Variants in PATL2 observed in about 807,000 individuals in gnomAD.
PATL2 encodes protein PAT1 homolog 2.
Under a neutral mutation model 77.0 loss-of-function variants are expected in PATL2, and 73 were observed. The observed-to-expected ratio is 0.95, with a 90% CI of 0.78 to 1.15. The LOEUF is 1.15. PATL2 is among the 50% of genes most tolerant of loss of function. PATL2 has a pLI of 0.00. For synonymous variants in PATL2, 265 were observed against 257.1 expected, an observed-to-expected ratio of 1.03 and a Z score of -0.29; for missense variants, 618 against 655.4, an observed-to-expected ratio of 0.94 and a Z score of 0.62.
At chr15:44,697,709 T>C (rs1260918277) in intron 3 of PATL2, among the ~76,000 whole-genome samples, 2 of 152,066 alleles carry the variant, frequency 1.3e-5, no homozygotes, top group East Asian at 3.9e-4. Flanking sequence ...TCTCGGAAAG[T>C]GCCAAGAGTT....
chr15:44,678,400 C>T (rs2141220697), intron 3 of PATL2, among the ~76,000 whole-genome samples: 1 of 152,258 alleles, frequency 6.6e-6, no homozygotes, highest in East Asian at 1.9e-4. Context: ...AGATCACAGC[C>T]CTGCCCTGGC....
chr15:44,674,761 T>C (rs2085869483), intron 5 of PATL2: 2 of 152,084 alleles, frequency 1.3e-5, no homozygotes, highest in African/African-American at 2.4e-5. Context: ...TTCTTTTTTT[T>C]TGTAGCGACA....
chr15:44,665,968 A>G lies in PATL2; in HGVS notation c.1617T>C (p.Phe539=), dbSNP rs2085347428. 6.5e-7 allele frequency: 1 copy of G among 1,542,712 alleles called. No individual in the cohort carries two copies. The part of the protein sequence containing the change: ...LVQQLEARME[F]AWIY ...AACAAACAGATCAGTAAATCCAGGC[A>G]AACCTATAAAGAGAACAGATATTAA... The change falls in exon 18 of 18, where the codon TTT becomes TTC. Residue 539 remains phenylalanine (F), a synonymous_variant. Transcript: ENST00000682850.
At chr15:44,685,659 G>A (rs2086236152) in intron 3 of PATL2, among the ~76,000 whole-genome samples, 2 of 151,544 alleles carry the variant, frequency 1.3e-5, no homozygotes, top group South Asian at 4.2e-4. Context: ...GTATTCAGGA[G>A]ACCCATCTCA....
chr15:44,683,585 C>T (rs1021633683), intron 3 of PATL2, among the ~76,000 whole-genome samples: 2 of 152,184 alleles, frequency 1.3e-5, no homozygotes, highest in Non-Finnish European at 2.9e-5. Context: ...AGGCAGTAGC[C>T]CCAGTCAGGG....
intron 3 of PATL2, among the ~76,000 whole-genome samples, chr15:44,698,455 T>C (rs1176363328): frequency 1.3e-5 from 2 of 152,142 alleles, no homozygotes; most frequent in African/African-American, 2.4e-5. Flanking sequence ...ATTCAGTTGC[T>C]GTAATTTTTA....
chr15:44,674,466 T>G, intron 5 of PATL2: 1 of 462,402 alleles, frequency 2.2e-6, no homozygotes, highest in Non-Finnish European at 3.9e-6. Flanking sequence ...GACATATATG[T>G]TCCGAGACCC....
At chr15:44,680,594 T>G (rs990709255) in intron 3 of PATL2, among the ~76,000 whole-genome samples, 3 of 152,172 alleles carry the variant, frequency 2.0e-5, no homozygotes, top group Non-Finnish European at 4.4e-5. Context: ...AGCCTCTCTG[T>G]TTTCCCCTTT....
chr15:44,701,864 A>C (rs1228099291), intron 3 of PATL2, among the ~76,000 whole-genome samples: 1 of 151,984 alleles, frequency 6.6e-6, no homozygotes, highest in African/African-American at 2.4e-5. Flanking sequence ...GAAGGGTGCC[A>C]GGCACTTCAC....
chr15:44,678,022 AT>A (rs568844524), intron 3 of PATL2, among the ~76,000 whole-genome samples: 53 of 151,256 alleles, frequency 3.5e-4, no homozygotes, highest in Non-Finnish European at 5.3e-4. Context: ...ATATATATAT[AT>A]TTTTTTTCAG....
At chr15:44,688,304 T>C (rs2141241403) in intron 3 of PATL2, among the ~76,000 whole-genome samples, 1 of 150,516 alleles carries the variant, frequency 6.6e-6, no homozygotes, top group Middle Eastern at 3.5e-3. Context: ...GCTATCCCCA[T>C]CAAGCTACCA....
At chr15:44,696,084 AT>A (rs1284584482) in intron 3 of PATL2, among the ~76,000 whole-genome samples, 3 of 152,220 alleles carry the variant, frequency 2.0e-5, no homozygotes, top group African/African-American at 7.2e-5. Flanking sequence ...GAGAATGTTG[AT>A]TTTTTAATAG....
intron 15 of PATL2, 98 bp from the exon 16 acceptor site, chr15:44,667,301 C>T: frequency 1.1e-6 from 1 of 880,870 alleles, no homozygotes; most frequent in Non-Finnish European, 1.8e-6. Flanking sequence ...GACAGGTTCA[C>T]ATTTAGAGAT....
At chr15:44,668,015 GGGT>G (rs775451859) in intron 15 of PATL2, among the ~76,000 whole-genome samples, 1 of 152,154 alleles carries the variant, frequency 6.6e-6, no homozygotes, top group Non-Finnish European at 1.5e-5. Context: ...ATAAACACAT[GGGT>G]AGTGTGGTTT....
At chr15:44,676,981 G>T (rs532562512) in intron 3 of PATL2, 2 of 905,666 alleles carry the variant, frequency 2.2e-6, no homozygotes, top group East Asian at 1.1e-4. Context: ...CCATTAAAGG[G>T]CTAGCATCCT....
intron 16 of PATL2, 110 bp downstream of exon 16, chr15:44,666,996 A>G (rs2085406330): frequency 2.3e-6 from 2 of 860,626 alleles, no homozygotes; most frequent in Non-Finnish European, 3.7e-6. Context: ...TACTTTCTCT[A>G]TCCAACCTCT....
rs985514222 is a variant in PATL2 at position 44,669,757 on chromosome 15, T to C, written c.876+20A>G. The stretch of plus-strand genomic sequence containing the variant: ...CTTCCAAAGGGGAGAGAAAAATGTC[T>C]GGGAAGATAGTGCTCCCACCTGCTC... On this transcript the variant is annotated intron_variant, in intron 11 of 17. Transcript: ENST00000682850. 5 of 1,550,758 alleles carry C rather than the reference T, an allele frequency of 3.2e-6. No individual in the cohort carries two copies. In the African/African-American group the frequency reaches 6.8e-5, roughly 21 times the overall value.
chr15:44,668,438 G>C lies in PATL2; in HGVS notation c.1269C>G (p.His423Gln). 1 of 1,551,446 alleles carries C rather than the reference G, an allele frequency of 6.4e-7. No homozygotes were observed. The highest frequency in any genetic ancestry group is 8.7e-7 in the Non-Finnish European group (1 of 1,146,974). ...CTTGGAGGAGTTCGTGGAGGGTCAA[G>C]TGACTAATACATTTGCCCAGAGGTT... ...LFKPLGKCIS[H>Q]LTLHELLQGL... Residue 423 changes from histidine to glutamine, a missense_variant, in exon 15 of 18, where the codon CAC becomes CAG. His to Gln is a conservative substitution (Grantham distance 24). Transcript: ENST00000682850.
chr15:44,672,015 C>T lies in PATL2; in HGVS notation c.657G>A (p.Gln219=), dbSNP rs2085706808. The change falls in exon 9 of 18, where the codon CAG becomes CAA. Residue 219 remains glutamine (Q), a splice_region_variant and synonymous_variant. Coordinates refer to ENST00000682850, the MANE Select transcript of PATL2 (RefSeq NM_001387263.1). ...CTGGGCTGAGTACTGCGGGGCTCACCTGGTAATAGTAGTCATCCAGGCGGG... is the reference window on the plus strand; with the variant it reads ...CTGGGCTGAGTACTGCGGGGCTCACTTGGTAATAGTAGTCATCCAGGCGGG... ...AKPRLDDYYY[Q]EYYQKLEKKQ... 1.3e-6 allele frequency: 2 copies of T among 1,551,730 alleles called. No homozygotes were observed. The highest frequency in any genetic ancestry group is 1.7e-6 in the Non-Finnish European group (2 of 1,146,998).
Sources: gnomAD v4.1 joint callset for allele counts (sites outside exome capture counted in the v4.1 genomes callset) on GRCh38, gnomAD v4.1.1 for gene constraint, MANE v1.5 for transcripts, NCBI Gene and HGNC (gene_info 2026-07-23, HGNC 2026-07-21) for gene names.